Variants in SDR42E2 observed in about 807,000 individuals in gnomAD.
SDR42E2 encodes short chain dehydrogenase/reductase family 42E, member 2.
A neutral mutation model predicts 10.5 loss-of-function variants in SDR42E2; 20 were observed. The ratio of observed to expected loss-of-function variants is 1.90; its 90% CI spans 1.34 to 2.77. The LOEUF is 2.77. SDR42E2 is among the 30% of genes most tolerant of loss of function. SDR42E2 has a pLI of 0.00. For synonymous variants in SDR42E2, 72 were observed against 39.2 expected (o/e 1.84, Z -3.12); for missense variants, 162 against 104.2 (o/e 1.55, Z -2.42).
Position 22,165,540 on chromosome 16 carries a change from C to T in SDR42E2, c.-36-7C>T. The T allele has an allele frequency of 2.5e-6, 1 of 400,962 alleles. No homozygotes were observed. Among genetic ancestry groups the T allele is most frequent in the Non-Finnish European group, 4.4e-6 (1 of 226,284 alleles). 24.8% of individuals were successfully genotyped at this position (400,962 alleles called of 1,614,324 possible). On this transcript the variant is annotated splice_polypyrimidine_tract_variant and splice_region_variant and intron_variant, in intron 1 of 12. Transcript: ENST00000602312. Reference sequence around the variant, plus strand: ...GAGCATTCTTTCTTCTATTTTTTTTCCCACAGGTGGTCGGTTTCTGGGTCT... The same window carrying T: ...GAGCATTCTTTCTTCTATTTTTTTTTCCACAGGTGGTCGGTTTCTGGGTCT...
intron 8 of SDR42E2, 76 bp downstream of exon 8, chr16:22,178,288 G>A (rs2142072919): frequency 1.5e-6 from 1 of 659,472 alleles, no homozygotes; most frequent in Middle Eastern, 2.4e-4. Context: ...GGCCCTCCCA[G>A]CCCCTGGTCG....
intron 9 of SDR42E2, 121 bp downstream of exon 9, chr16:22,181,777 A>C (rs1445135576): frequency 4.8e-6 from 3 of 621,560 alleles, no homozygotes; most frequent in Non-Finnish European, 8.7e-6. Context: ...GGCTGGTGGG[A>C]CTCTCAGCCC....
intron 10 of SDR42E2, among the ~76,000 whole-genome samples, chr16:22,183,764 G>A (rs1258660085): frequency 6.6e-6 from 1 of 152,162 alleles, no homozygotes; most frequent in African/African-American, 2.4e-5. Flanking sequence ...ATAGACAGAT[G>A]TAGGTGATAA....
intron 4 of SDR42E2, among the ~76,000 whole-genome samples, chr16:22,168,462 T>C (rs7191178): frequency 0.52 from 78,200 of 150,670 alleles, 24,566 homozygotes; most frequent in African/African-American, 0.86. Flanking sequence ...GATGGGGTTT[T>C]GCCATGTTGC....
chr16:22,188,519 C>A (rs747346682), intron 12 of SDR42E2, among the ~76,000 whole-genome samples: 4 of 152,080 alleles, frequency 2.6e-5, no homozygotes, highest in African/African-American at 9.7e-5. Flanking sequence ...ATAACCTGCC[C>A]GTGATCACTC....
chr16:22,186,229 C>G (rs190694535), intron 11 of SDR42E2, among the ~76,000 whole-genome samples: 2 of 149,320 alleles, frequency 1.3e-5, no homozygotes, highest in Non-Finnish European at 3.0e-5. Context: ...TTTTTTCTGA[C>G]GGAGTCTTAT....
At chr16:22,178,582 C>T (rs1598140080) in intron 8 of SDR42E2, among the ~76,000 whole-genome samples, 3 of 152,118 alleles carry the variant, frequency 2.0e-5, no homozygotes. Context: ...TCTAAAGGGT[C>T]GGGTGCCAGA....
chr16:22,186,644 T>C (rs1362663404), intron 11 of SDR42E2, 77 bp from the exon 12 acceptor site: 2 of 400,862 alleles, frequency 5.0e-6, no homozygotes, highest in Admixed American at 4.4e-5. Context: ...GTGTCCCCCA[T>C]TGATTTGTCC....
intron 10 of SDR42E2, among the ~76,000 whole-genome samples, chr16:22,183,226 G>A (rs547438307): frequency 2.0e-5 from 3 of 152,008 alleles, no homozygotes; most frequent in East Asian, 2.0e-4. Context: ...GGGTTCAAGC[G>A]ATTCTCCTGC....
intron 11 of SDR42E2, among the ~76,000 whole-genome samples, chr16:22,185,326 G>T (rs1380537361): frequency 1.3e-5 from 2 of 152,138 alleles, no homozygotes; most frequent in Non-Finnish European, 2.9e-5. Flanking sequence ...AAAAGCAGGG[G>T]GTTGCAAATT....
intron 4 of SDR42E2, among the ~76,000 whole-genome samples, chr16:22,167,799 C>A (rs1052688238): frequency 6.6e-6 from 1 of 152,022 alleles, no homozygotes; most frequent in Non-Finnish European, 1.5e-5. Flanking sequence ...TCAAAGTGTG[C>A]AGATTAAAAA....
At chr16:22,167,329 G>A (rs188163529) in intron 4 of SDR42E2, among the ~76,000 whole-genome samples, 6 of 151,578 alleles carry the variant, frequency 4.0e-5, no homozygotes, top group African/African-American at 1.2e-4. Context: ...GGGATTACAG[G>A]TGCCACCAAC....
chr16:22,179,761 C>T (rs1245141225), intron 8 of SDR42E2, among the ~76,000 whole-genome samples: 3 of 146,016 alleles, frequency 2.1e-5, no homozygotes, highest in Admixed American at 7.1e-5. Flanking sequence ...TGCAGTGAGC[C>T]GAGATTGTGC....
At chr16:22,169,840 G>A (rs1489334625) in intron 5 of SDR42E2, among the ~76,000 whole-genome samples, 1 of 151,944 alleles carries the variant, frequency 6.6e-6, no homozygotes, top group Non-Finnish European at 1.5e-5. Flanking sequence ...AGACCAGCCT[G>A]GCCAAAATGG....
At position 22,172,167 on chromosome 16, in the gene SDR42E2, A is replaced by G. The variant is rs935141057; in HGVS notation, c.514-89A>G. On this transcript the variant is annotated intron_variant, in intron 6 of 12. Coordinates refer to ENST00000602312, the MANE Select transcript of SDR42E2 (RefSeq NM_001394319.2). ...TGGCCATATCCCAGTGGGAGTCCCC[A>G]GGGAAGGTGCAGCCCTGGGGCTGGG... The G allele has an allele frequency of 4.3e-6, 3 of 694,768 alleles. No homozygotes were observed. The African/African-American group carries it at 5.3e-5, about 12-fold the overall frequency. 43.0% of individuals were successfully genotyped at this position (694,768 alleles called of 1,614,324 possible). A position where few individuals can be genotyped will look rare whatever the true frequency, so the allele number is the denominator to read the frequency against.
chr16:22,165,537 T>C lies in SDR42E2; in HGVS notation c.-36-10T>C. On this transcript the variant is annotated splice_polypyrimidine_tract_variant and intron_variant, in intron 1 of 12. Transcript: ENST00000602312. ...CTAGAGCATTCTTTCTTCTATTTTTTTTCCCACAGGTGGTCGGTTTCTGGG... is the reference window on the plus strand; with the variant it reads ...CTAGAGCATTCTTTCTTCTATTTTTCTTCCCACAGGTGGTCGGTTTCTGGG... 2 of 401,250 alleles carry C rather than the reference T, an allele frequency of 5.0e-6. No individual in the cohort carries two copies. The highest frequency in any genetic ancestry group is 8.8e-6 in the Non-Finnish European group (2 of 226,346). The allele number at this position is 401,250 out of a possible 1,614,324, so 24.9% of individuals were successfully genotyped here.
intron 7 of SDR42E2, among the ~76,000 whole-genome samples, chr16:22,175,795 C>A (rs936414417): frequency 2.6e-5 from 4 of 152,016 alleles, no homozygotes; most frequent in African/African-American, 9.7e-5. Context: ...GCATTCAAGA[C>A]CAGCCTGGCC....
At position 22,190,613 on chromosome 16, in the gene SDR42E2, C is replaced by T. The variant is rs1024231261; in HGVS notation, c.*220C>T. On this transcript the variant is annotated 3_prime_UTR_variant, in exon 13 of 13. Transcript: ENST00000602312. ...TCTACTCCCAGACCTTGCCTTGCGC[C>T]CTTCCTGTGTTTTGGCCCCGCCCCT... 1.3e-4 allele frequency: 51 copies of T among 392,728 alleles called. No individual in the cohort carries two copies. Among genetic ancestry groups the T allele is most frequent in the Non-Finnish European group, 2.2e-4 (49 of 222,372 alleles). The allele number at this position is 392,728 out of a possible 1,614,324, so 24.3% of individuals were successfully genotyped here. A position where few individuals can be genotyped will look rare whatever the true frequency, so the allele number is the denominator to read the frequency against.
Position 22,190,381 on chromosome 16 carries a change from G to C in SDR42E2, c.1257G>C (p.Val419=). 1 of 402,376 alleles carries C rather than the reference G, an allele frequency of 2.5e-6. No individual in the cohort carries two copies. Among genetic ancestry groups the C allele is most frequent in the Non-Finnish European group, 4.4e-6 (1 of 227,928 alleles). 24.9% of individuals were successfully genotyped at this position (402,376 alleles called of 1,614,324 possible). A position where few individuals can be genotyped will look rare whatever the true frequency, so the allele number is the denominator to read the frequency against. ...FLGLQPLHAA[V]ERL ...GCCTGCAGCCTCTGCACGCCGCCGT[G>C]GAGCGCCTGTGACCGTCCGCCGTCC... The change falls in exon 13 of 13, where the codon GTG becomes GTC. Residue 419 remains valine (V), a synonymous_variant. Transcript: ENST00000602312.
Sources: gnomAD v4.1 joint callset for allele counts (sites outside exome capture counted in the v4.1 genomes callset) on GRCh38, gnomAD v4.1.1 for gene constraint, MANE v1.5 for transcripts, NCBI Gene and HGNC (gene_info 2026-07-23, HGNC 2026-07-21) for gene names.